The following ARHGAP18 variants were observed in gnomAD, a reference collection of about 807,000 sequenced individuals.
ARHGAP18 encodes rho GTPase-activating protein 18.
ARHGAP18 carries 67 observed loss-of-function variants against 86.2 expected under a neutral mutation model. The observed-to-expected ratio is 0.78, with a 90% CI of 0.64 to 0.95. The LOEUF is 0.95. Among genes scored for constraint, ARHGAP18 ranks in the 40% least tolerant of loss-of-function variants. The pLI is 0.00. For missense variants in ARHGAP18, 691 were observed against 780.4 expected, an observed-to-expected ratio of 0.89 and a Z score of 1.37; for synonymous variants, 283 against 280.4, an observed-to-expected ratio of 1.01 and a Z score of -0.09.
chr6:129,610,735 C>A (rs989644559), intron 8 of ARHGAP18, among the ~76,000 whole-genome samples: 1 of 152,084 alleles, frequency 6.6e-6, no homozygotes, highest in Non-Finnish European at 1.5e-5. Context: ...TCAAGCGATT[C>A]TCCTGCCTCA....
At chr6:129,623,881 G>A (rs563820966) in intron 5 of ARHGAP18, among the ~76,000 whole-genome samples, 5 of 152,192 alleles carry the variant, frequency 3.3e-5, no homozygotes, top group East Asian at 3.9e-4. Flanking sequence ...ATAAGTTCAC[G>A]ATCAGGAAAG....
At chr6:129,660,293 G>A (rs376528135) in intron 1 of ARHGAP18, among the ~76,000 whole-genome samples, 6 of 152,370 alleles carry the variant, frequency 3.9e-5, no homozygotes, top group Admixed American at 3.9e-4. Context: ...AGATCGCTGA[G>A]CGATGATAAG....
intron 1 of ARHGAP18, among the ~76,000 whole-genome samples, chr6:129,703,309 C>G (rs72988838): frequency 0.04 from 6,045 of 152,274 alleles, 204 homozygotes; most frequent in South Asian, 0.16. Context: ...TCAATTGTTA[C>G]GAGTCTTTAT....
chr6:129,618,558 C>T (rs1046452602), intron 6 of ARHGAP18, 129 bp downstream of exon 6: 1 of 832,334 alleles, frequency 1.2e-6, no homozygotes, highest in East Asian at 2.7e-5. Context: ...AGAATATAAA[C>T]TTTAGATGTA....
At chr6:129,683,078 T>G (rs1237221727) in intron 1 of ARHGAP18, among the ~76,000 whole-genome samples, 14 of 150,816 alleles carry the variant, frequency 9.3e-5, no homozygotes, top group Non-Finnish European at 1.9e-4. Flanking sequence ...TGTTTTTTTT[T>G]TTGTTTTTTT....
At chr6:129,669,327 A>G (rs1774101568) in intron 1 of ARHGAP18, among the ~76,000 whole-genome samples, 1 of 151,850 alleles carries the variant, frequency 6.6e-6, no homozygotes, top group African/African-American at 2.4e-5. Flanking sequence ...GCCCGCCACC[A>G]TGCCAGGCTA....
chr6:129,604,466 C>A (rs920588840), intron 10 of ARHGAP18, among the ~76,000 whole-genome samples: 2 of 152,124 alleles, frequency 1.3e-5, no homozygotes, highest in Non-Finnish European at 2.9e-5. Flanking sequence ...GTACCCACTG[C>A]ACACTGGGCA....
chr6:129,683,488 C>G (rs1158134957), intron 1 of ARHGAP18, among the ~76,000 whole-genome samples: 1 of 152,144 alleles, frequency 6.6e-6, no homozygotes, highest in African/African-American at 2.4e-5. Flanking sequence ...CTTGCATTAG[C>G]TTCATTTCAT....
At chr6:129,605,338 C>A (rs1788829382) in intron 10 of ARHGAP18, among the ~76,000 whole-genome samples, 1 of 151,988 alleles carries the variant, frequency 6.6e-6, no homozygotes, top group Admixed American at 6.6e-5. Context: ...TCCGGATGAA[C>A]CCTTAGAGAA....
chr6:129,594,535 A>C lies in ARHGAP18; in HGVS notation c.1713+4681T>G, dbSNP rs1341118209. Among the ~76,000 whole-genome samples the C allele has an allele frequency of 5.3e-5, 8 of 152,120 alleles. No individual in the cohort carries two copies. In the East Asian group the frequency reaches 1.5e-3, roughly 29 times the overall value. ...TGAACCACTCTATGACTTCAACAAC[A>C]ATCTCTAGGCTAATCCCAAAGGTGT... is the stretch of plus-strand genomic sequence containing the variant. On this transcript the variant is annotated intron_variant, in intron 12 of 14. Transcript: ENST00000368149.
At chr6:129,698,448 C>T (rs1371007785) in intron 1 of ARHGAP18, among the ~76,000 whole-genome samples, 2 of 152,016 alleles carry the variant, frequency 1.3e-5, no homozygotes, top group African/African-American at 4.8e-5. Context: ...ACAGCCAAAC[C>T]ACCAAAATTT....
chr6:129,683,054 TC>T (rs1245910772), intron 1 of ARHGAP18, among the ~76,000 whole-genome samples: 4 of 106,788 alleles, frequency 3.7e-5, no homozygotes, highest in Admixed American at 1.0e-4. Flanking sequence ...TTTTGTTTTT[TC>T]TTTTTTTTTT....
chr6:129,616,552 A>G (rs1354925525), intron 6 of ARHGAP18, among the ~76,000 whole-genome samples: 1 of 152,268 alleles, frequency 6.6e-6, no homozygotes, highest in Non-Finnish European at 1.5e-5. Flanking sequence ...CAACATAATT[A>G]GAAAAGTGCA....
intron 12 of ARHGAP18, among the ~76,000 whole-genome samples, chr6:129,594,730 A>G (rs1788582097): frequency 1.3e-5 from 2 of 152,136 alleles, no homozygotes; most frequent in African/African-American, 2.4e-5. Context: ...TTCTTCTTCC[A>G]CATTCTTCAC....
intron 5 of ARHGAP18, among the ~76,000 whole-genome samples, chr6:129,626,207 TAAAA>T (rs1391222023): frequency 6.7e-6 from 1 of 149,758 alleles, no homozygotes. Context: ...ATGTATCTAA[TAAAA>T]AGAAGTGAGA....
chr6:129,578,715 C>T, intron 14 of ARHGAP18, 111 bp from the exon 15 acceptor site: 1 of 885,462 alleles, frequency 1.1e-6, no homozygotes, highest in Non-Finnish European at 1.7e-6. Context: ...AATACTTATT[C>T]TACTTTGGGA....
chr6:129,600,170 A>G (rs953009225), intron 11 of ARHGAP18, among the ~76,000 whole-genome samples: 1 of 152,142 alleles, frequency 6.6e-6, no homozygotes, highest in African/African-American at 2.4e-5. Context: ...CTCCTGAAAA[A>G]TTATAAATTT....
At chr6:129,600,217 A>T (rs1788710063) in intron 11 of ARHGAP18, among the ~76,000 whole-genome samples, 2 of 152,298 alleles carry the variant, frequency 1.3e-5, no homozygotes, top group East Asian at 3.9e-4. Flanking sequence ...GAAGCCTCTC[A>T]TCCACTTCCA....
chr6:129,664,907 T>C (rs1413899013), intron 1 of ARHGAP18, among the ~76,000 whole-genome samples: 2 of 152,154 alleles, frequency 1.3e-5, no homozygotes, highest in African/African-American at 4.8e-5. Flanking sequence ...CTGATGACAC[T>C]TGAGCAGAGA....
Sources: gnomAD v4.1 joint callset for allele counts (sites outside exome capture counted in the v4.1 genomes callset) on GRCh38, gnomAD v4.1.1 for gene constraint, MANE v1.5 for transcripts, NCBI Gene and HGNC (gene_info 2026-07-23, HGNC 2026-07-21) for gene names.